NYAP2: variants seen among roughly 807,000 people sequenced by gnomAD.
NYAP2 encodes neuronal tyrosine-phosphorylated phosphoinositide-3-kinase adaptor 2.
A neutral mutation model predicts 50.4 loss-of-function variants in NYAP2; 23 were observed. The ratio of observed to expected loss-of-function variants is 0.46; its 90% CI spans 0.33 to 0.65. The LOEUF is 0.65. Ranked by LOEUF, NYAP2 falls within the 30% of genes least tolerant of loss-of-function variation. The pLI is 0.02. For missense variants in NYAP2, 885 were observed against 861.0 expected (o/e 1.03, Z -0.35); for synonymous variants, 394 against 365.2 (o/e 1.08, Z -0.90).
intron 5 of NYAP2, among the ~76,000 whole-genome samples, chr2:225,585,100 A>C (rs1225861810): frequency 6.6e-6 from 1 of 152,384 alleles, no homozygotes; most frequent in African/African-American, 2.4e-5. Context: ...CCAAGGCTGG[A>C]AAACCCTGGT....
intron 3 of NYAP2, among the ~76,000 whole-genome samples, chr2:225,448,056 C>T (rs532749613): frequency 6.6e-6 from 1 of 152,344 alleles, no homozygotes; most frequent in African/African-American, 2.4e-5. Flanking sequence ...TTGTTGCCAC[C>T]TGAGATGGGC....
chr2:225,539,610 AT>A (rs2106202714), intron 4 of NYAP2, among the ~76,000 whole-genome samples: 1 of 151,762 alleles, frequency 6.6e-6, no homozygotes, highest in South Asian at 2.1e-4. Flanking sequence ...TGATGAGCTT[AT>A]TTTCATGTTT....
chr2:225,571,132 A>T (rs1298929434), intron 4 of NYAP2, among the ~76,000 whole-genome samples: 1 of 152,246 alleles, frequency 6.6e-6, no homozygotes, highest in Non-Finnish European at 1.5e-5. Flanking sequence ...TGGGCAGCTC[A>T]GTCCCTATGG....
At chr2:225,407,074 G>C (rs79983485) in intron 2 of NYAP2, among the ~76,000 whole-genome samples, 10,995 of 151,990 alleles carry the variant, frequency 0.072, 425 homozygotes, top group South Asian at 0.11. Flanking sequence ...TGCTTAACTT[G>C]GGTAGAATTA....
intron 6 of NYAP2, among the ~76,000 whole-genome samples, chr2:225,634,809 T>G (rs1693383394): frequency 6.6e-6 from 1 of 152,110 alleles, no homozygotes; most frequent in Admixed American, 6.6e-5. Context: ...CATTAAAGAT[T>G]GAAGAGATCA....
intron 4 of NYAP2, among the ~76,000 whole-genome samples, chr2:225,550,878 T>C (rs1176788550): frequency 2.0e-5 from 3 of 152,186 alleles, no homozygotes; most frequent in Non-Finnish European, 4.4e-5. Context: ...TTGAGTTTTA[T>C]TGGGTGGTGA....
intron 5 of NYAP2, among the ~76,000 whole-genome samples, chr2:225,603,515 G>T (rs1268233486): frequency 1.3e-5 from 2 of 152,206 alleles, no homozygotes; most frequent in East Asian, 3.9e-4. Context: ...CCGCTGGAGT[G>T]CAGTAATGCG....
chr2:225,473,389 C>T (rs1004455122), intron 3 of NYAP2, among the ~76,000 whole-genome samples: 3 of 152,348 alleles, frequency 2.0e-5, no homozygotes, highest in Admixed American at 6.5e-5. Flanking sequence ...GCCACACTGT[C>T]TTCCACAATG....
chr2:225,649,024 T>C (rs1197432678), intron 6 of NYAP2, among the ~76,000 whole-genome samples: 2 of 152,028 alleles, frequency 1.3e-5, no homozygotes, highest in Admixed American at 6.5e-5. Context: ...AGAAAGAGAA[T>C]GTAGTTGGTT....
At chr2:225,670,934 A>T in the NYAP2 span, among the ~76,000 whole-genome samples, 1 of 152,152 alleles carries the variant, frequency 6.6e-6, no homozygotes, top group Non-Finnish European at 1.5e-5. Flanking sequence ...ACATACCTTA[A>T]TTAAAAAAAT....
chr2:225,639,348 C>T (rs1467409826), intron 6 of NYAP2, among the ~76,000 whole-genome samples: 1 of 152,120 alleles, frequency 6.6e-6, no homozygotes, highest in Admixed American at 6.6e-5. Flanking sequence ...TATCTGTGAC[C>T]TGTTTAAAAT....
chr2:225,501,266 G>T (rs1314836206), intron 3 of NYAP2, among the ~76,000 whole-genome samples: 1 of 152,176 alleles, frequency 6.6e-6, no homozygotes, highest in Non-Finnish European at 1.5e-5. Flanking sequence ...CTAGTCTCCA[G>T]ATCATAAGTG....
intron 3 of NYAP2, among the ~76,000 whole-genome samples, chr2:225,416,031 A>T (rs1695117048): frequency 6.6e-6 from 1 of 152,148 alleles, no homozygotes; most frequent in African/African-American, 2.4e-5. Flanking sequence ...GGCAGAGAAA[A>T]CAAGGTTAAT....
chr2:225,532,312 T>C (rs7606323), intron 4 of NYAP2, among the ~76,000 whole-genome samples: 91,895 of 151,992 alleles, frequency 0.6, 29,017 homozygotes, highest in African/African-American at 0.79. Flanking sequence ...TTTAATTGAC[T>C]TCAGTGAAGC....
At chr2:225,630,779 C>T (rs1693297835) in intron 6 of NYAP2, among the ~76,000 whole-genome samples, 1 of 152,162 alleles carries the variant, frequency 6.6e-6, no homozygotes, top group Admixed American at 6.5e-5. Context: ...TCATGGAACA[C>T]CCAATGATGA....
chr2:225,546,029 A>G (rs1209034307), intron 4 of NYAP2, among the ~76,000 whole-genome samples: 2 of 152,100 alleles, frequency 1.3e-5, no homozygotes, highest in Non-Finnish European at 2.9e-5. Context: ...TTTCTCTCAA[A>G]CAAATGAAGT....
At chr2:225,446,836 T>C (rs765873072) in intron 3 of NYAP2, among the ~76,000 whole-genome samples, 6 of 151,932 alleles carry the variant, frequency 3.9e-5, no homozygotes, top group Non-Finnish European at 7.4e-5. Context: ...TGAGCCCAAA[T>C]AGATTCAGAC....
chr2:225,491,421 A>G (rs1373748861), intron 3 of NYAP2, among the ~76,000 whole-genome samples: 1 of 152,150 alleles, frequency 6.6e-6, no homozygotes, highest in Non-Finnish European at 1.5e-5. Flanking sequence ...GAATACTATC[A>G]TCTCACCCTA....
intron 3 of NYAP2, among the ~76,000 whole-genome samples, chr2:225,473,124 C>A (rs1350029223): frequency 6.6e-6 from 1 of 152,218 alleles, no homozygotes; most frequent in African/African-American, 2.4e-5. Context: ...CATGTCCCTA[C>A]AAAGGACATG....
Sources: allele counts gnomAD v4.1 joint callset (sites outside exome capture counted in the v4.1 genomes callset), GRCh38; gene constraint gnomAD v4.1.1; transcripts MANE v1.5; gene names NCBI Gene and HGNC (gene_info 2026-07-23, HGNC 2026-07-21).